Variants in RBFOX1 observed in about 807,000 individuals in gnomAD.
The protein encoded by RBFOX1 is RNA binding fox-1 homolog 1, also known as RNA binding protein fox-1 homolog 1.
RBFOX1 carries 8 observed loss-of-function variants against 57.7 expected under a neutral mutation model. That is an observed-to-expected ratio of 0.14 (90% confidence interval 0.08 to 0.25). RBFOX1 has a LOEUF of 0.25. Among genes scored for constraint, RBFOX1 ranks in the 10% least tolerant of loss-of-function variants. The pLI, the probability that RBFOX1 is intolerant of heterozygous loss-of-function variation, is 1.00. For missense variants in RBFOX1, 611 were observed against 548.5 expected (o/e 1.11, Z -1.14); for synonymous variants, 326 against 222.4 (o/e 1.47, Z -4.15).
At chr16:7,100,528 T>C (rs2062497970) in intron 4 of RBFOX1, among the ~76,000 whole-genome samples, 1 of 151,882 alleles carries the variant, frequency 6.6e-6, no homozygotes, top group Admixed American at 6.6e-5. Flanking sequence ...TTTCTAGTGT[T>C]ACTGATGGTT....
chr16:7,082,873 C>G (rs2059415448), intron 4 of RBFOX1, among the ~76,000 whole-genome samples: 2 of 152,118 alleles, frequency 1.3e-5, no homozygotes, highest in Non-Finnish European at 1.5e-5. Context: ...TAACTGATAA[C>G]TGGATTAATT....
intron 4 of RBFOX1, among the ~76,000 whole-genome samples, chr16:7,341,272 G>A (rs1203979702): frequency 4.6e-5 from 7 of 152,116 alleles, no homozygotes; most frequent in Non-Finnish European, 7.3e-5. Context: ...CTGAGCAACC[G>A]AGACCATTAT....
chr16:5,862,496 G>A (rs7199686), intron 3 of RBFOX1, among the ~76,000 whole-genome samples: 1,567 of 152,294 alleles, frequency 0.01, 17 homozygotes, highest in African/African-American at 0.036. Flanking sequence ...ATCAATCAGT[G>A]AGAGGGGAAG....
intron 4 of RBFOX1, among the ~76,000 whole-genome samples, chr16:7,191,608 T>C (rs35353155): frequency 6.6e-6 from 1 of 152,380 alleles, no homozygotes; most frequent in African/African-American, 2.4e-5. Context: ...TTAAATTTAA[T>C]AAGCAAGTAG....
chr16:6,736,232 G>A (rs576624232), intron 3 of RBFOX1, among the ~76,000 whole-genome samples: 4 of 151,880 alleles, frequency 2.6e-5, no homozygotes, highest in South Asian at 2.1e-4. Flanking sequence ...TTGCATACAC[G>A]AGTAAGTTCT....
intron 3 of RBFOX1, among the ~76,000 whole-genome samples, chr16:6,859,134 T>TGTATATATATACGTATAG (rs2058478227): frequency 1.6e-5 from 1 of 62,270 alleles, no homozygotes; most frequent in African/African-American, 5.3e-5. Flanking sequence ...TATATACATA[T>TGTATATATATACGTATAG]ATATACGTAT....
At chr16:6,913,987 C>G (rs915262357) in intron 3 of RBFOX1, among the ~76,000 whole-genome samples, 9 of 152,178 alleles carry the variant, frequency 5.9e-5, no homozygotes, top group Admixed American at 5.9e-4. Context: ...GTATACATTG[C>G]ACTTGATGAG....
intron 2 of RBFOX1, among the ~76,000 whole-genome samples, chr16:6,512,961 A>G (rs2096284212): frequency 6.6e-6 from 1 of 152,270 alleles, no homozygotes; most frequent in South Asian, 2.1e-4. Context: ...TTGTATTGGG[A>G]TGGAAAGGAG....
intron 5 of RBFOX1, among the ~76,000 whole-genome samples, chr16:7,549,230 C>A (rs957218949): frequency 6.6e-6 from 1 of 152,210 alleles, no homozygotes; most frequent in African/African-American, 2.4e-5. Context: ...ATGCCTATGA[C>A]TTCACTAGCC....
At chr16:6,802,390 G>C (rs998055311) in intron 3 of RBFOX1, among the ~76,000 whole-genome samples, 1 of 152,242 alleles carries the variant, frequency 6.6e-6, no homozygotes, top group South Asian at 2.1e-4. Flanking sequence ...GAAAGTCCAT[G>C]TTATGGCCTG....
intron 4 of RBFOX1, among the ~76,000 whole-genome samples, chr16:5,890,320 C>T (rs935342273): frequency 1.3e-5 from 2 of 152,170 alleles, no homozygotes; most frequent in Non-Finnish European, 2.9e-5. Context: ...TTACCCTCCC[C>T]ACCACGTAGT....
intron 1 of RBFOX1, among the ~76,000 whole-genome samples, chr16:6,229,721 A>T (rs891382517): frequency 6.6e-6 from 1 of 151,714 alleles, no homozygotes; most frequent in African/African-American, 2.4e-5. Flanking sequence ...AAAAAAAAAA[A>T]TAAGATTTTC....
At chr16:5,752,803 C>T (rs1255105089) in intron 3 of RBFOX1, among the ~76,000 whole-genome samples, 1 of 152,094 alleles carries the variant, frequency 6.6e-6, no homozygotes, top group Non-Finnish European at 1.5e-5. Context: ...ATTTCTGCAA[C>T]TTTGAGGCAT....
chr16:7,339,710 G>A (rs982838373), intron 4 of RBFOX1, among the ~76,000 whole-genome samples: 1 of 152,208 alleles, frequency 6.6e-6, no homozygotes, highest in Admixed American at 6.5e-5. Flanking sequence ...AAAATGCTGG[G>A]ATTACAGGTG....
At position 7,561,949 on chromosome 16, in the gene RBFOX1, G is replaced by A. The variant is rs560222206; in HGVS notation, c.271-17828G>A. ...ATACGAACTTTTGTGTTAAATTGAT[G>A]TATAGGTTGGCCTTGATTTCTGAGT... On this transcript the variant is annotated intron_variant, in intron 5 of 15. Coordinates refer to ENST00000550418, the MANE Select transcript of RBFOX1 (RefSeq NM_018723.4). 3.9e-5 allele frequency among the ~76,000 whole-genome samples: 6 copies of A among 152,190 alleles called. No homozygotes were observed. The East Asian group carries it at 1.2e-3, about 29-fold the overall frequency.
chr16:6,426,522 C>T (rs112213914), intron 2 of RBFOX1, among the ~76,000 whole-genome samples: 7,955 of 152,022 alleles, frequency 0.052, 726 homozygotes, highest in African/African-American at 0.18. Context: ...TCCCAGCTAC[C>T]TGGGAGGCCG....
At chr16:5,623,624 C>T (rs989750390) in intron 3 of RBFOX1, among the ~76,000 whole-genome samples, 1 of 151,346 alleles carries the variant, frequency 6.6e-6, no homozygotes, top group East Asian at 2.1e-4. Context: ...TCTTTTGTTC[C>T]CGCTACACTG....
chr16:7,696,416 G>T (rs372155081), intron 14 of RBFOX1, among the ~76,000 whole-genome samples: 2 of 152,104 alleles, frequency 1.3e-5, no homozygotes, highest in African/African-American at 4.8e-5. Flanking sequence ...CTTCTTAGAC[G>T]GGAGGTCTCC....
chr16:6,492,037 A>G (rs1031905489), intron 2 of RBFOX1, among the ~76,000 whole-genome samples: 6 of 152,166 alleles, frequency 3.9e-5, no homozygotes, highest in Admixed American at 3.9e-4. Flanking sequence ...ATATAGACTG[A>G]GTAGTAATGG....
Sources: allele counts gnomAD v4.1 joint callset (sites outside exome capture counted in the v4.1 genomes callset), GRCh38; gene constraint gnomAD v4.1.1; transcripts MANE v1.5; gene names NCBI Gene and HGNC (gene_info 2026-07-23, HGNC 2026-07-21).